The following COL25A1 variants were observed in gnomAD, a reference collection of about 807,000 sequenced individuals.
COL25A1 encodes collagen alpha-1(XXV) chain.
Under a neutral mutation model 128.4 loss-of-function variants are expected in COL25A1, and 103 were observed. The ratio of observed to expected loss-of-function variants is 0.80; its 90% CI spans 0.68 to 0.94. The LOEUF (loss-of-function observed/expected upper bound fraction) is 0.94. COL25A1 is among the 40% of genes least tolerant of loss of function. The probability of loss-of-function intolerance (pLI) is 0.00; values close to 1 mark genes in which losing one functional copy is unlikely to be tolerated. For synonymous variants in COL25A1, 279 were observed against 277.2 expected (o/e 1.01, Z -0.06); for missense variants, 745 against 840.0 (o/e 0.89, Z 1.40).
At chr4:109,295,771 C>T (rs1478866685) in intron 3 of COL25A1, among the ~76,000 whole-genome samples, 1 of 152,068 alleles carries the variant, frequency 6.6e-6, no homozygotes, top group African/African-American at 2.4e-5. Context: ...GGTCAGTCAC[C>T]AGGGGCAATA....
At chr4:109,233,360 T>C (rs185801047) in intron 3 of COL25A1, among the ~76,000 whole-genome samples, 2 of 152,310 alleles carry the variant, frequency 1.3e-5, no homozygotes, top group African/African-American at 4.8e-5. Flanking sequence ...CTTGGTTTTC[T>C]TTCCATAGTA....
chr4:109,106,794 G>T (rs949114983), intron 3 of COL25A1, among the ~76,000 whole-genome samples: 30 of 152,148 alleles, frequency 2.0e-4, no homozygotes, highest in Admixed American at 1.3e-4. Context: ...AGGGGGCAGG[G>T]TCTCGCTCTG....
At chr4:109,076,769 A>G (rs1457712666) in intron 3 of COL25A1, among the ~76,000 whole-genome samples, 1 of 151,942 alleles carries the variant, frequency 6.6e-6, no homozygotes, top group African/African-American at 2.4e-5. Context: ...GATGGGAAAC[A>G]GTGACAGATC....
At chr4:109,156,538 T>C (rs1326950577) in intron 3 of COL25A1, among the ~76,000 whole-genome samples, 1 of 152,192 alleles carries the variant, frequency 6.6e-6, no homozygotes, top group Non-Finnish European at 1.5e-5. Flanking sequence ...CCATCACTGC[T>C]GATTCCTTTT....
In COL25A1 at chr4:108,899,054, T is replaced by A; in HGVS notation, c.861+100A>T. 1.8e-6 allele frequency: 2 copies of A among 1,113,620 alleles called. 1 individual carries two copies. The highest frequency in any genetic ancestry group is 2.9e-5 in the South Asian group (2 of 69,036). 69.0% of individuals were successfully genotyped at this position (1,113,620 alleles called of 1,614,324 possible). On this transcript the variant is annotated intron_variant, in intron 15 of 37. Transcript: ENST00000399132. ...ATTAATCTACCCACCCACCCATCCA[T>A]CCACCCATCCATTCATGCATATAGT... is the stretch of plus-strand genomic sequence containing the variant.
At chr4:109,185,090 A>G (rs889068886) in intron 3 of COL25A1, among the ~76,000 whole-genome samples, 1 of 152,204 alleles carries the variant, frequency 6.6e-6, no homozygotes, top group African/African-American at 2.4e-5. Context: ...AGGTTGAAGA[A>G]AGGCATTTTT....
chr4:108,821,682 C>T (rs889706895), intron 35 of COL25A1, among the ~76,000 whole-genome samples: 20 of 152,108 alleles, frequency 1.3e-4, no homozygotes, highest in African/African-American at 4.8e-4. Flanking sequence ...GAGCCTCAAG[C>T]TTTATGGGAA....
Position 108,942,335 on chromosome 4 carries a change from C to T in COL25A1, c.493-898G>A. On this transcript the variant is annotated intron_variant, in intron 8 of 37. Coordinates refer to ENST00000399132, the MANE Select transcript of COL25A1 (RefSeq NM_198721.4). Reference sequence around the variant, plus strand: ...GTCACACAGACATTTCACTAGGGGACAAACAAAACAAGCACATACCTAGCA... The same window carrying T: ...GTCACACAGACATTTCACTAGGGGATAAACAAAACAAGCACATACCTAGCA... 15 of 1,405,280 alleles carry T rather than the reference C, an allele frequency of 1.1e-5. No homozygotes were observed. In the South Asian group the frequency reaches 1.9e-4, roughly 17 times the overall value. The allele number at this position is 1,405,280 out of a possible 1,614,324, so 87.1% of individuals were successfully genotyped here.
chr4:109,102,514 G>A (rs1765992339), intron 3 of COL25A1, among the ~76,000 whole-genome samples: 1 of 151,882 alleles, frequency 6.6e-6, no homozygotes, highest in Non-Finnish European at 1.5e-5. Context: ...AAATCAAGTT[G>A]GTTGATAATA....
chr4:109,288,096 C>T (rs1724065040), intron 3 of COL25A1, among the ~76,000 whole-genome samples: 1 of 152,100 alleles, frequency 6.6e-6, no homozygotes. Flanking sequence ...CCAGAGGCAA[C>T]CATATGCTCA....
intron 20 of COL25A1, 132 bp from the exon 21 acceptor site, chr4:108,863,519 T>C (rs1336288109): frequency 1.3e-5 from 8 of 629,460 alleles, no homozygotes; most frequent in Middle Eastern, 2.6e-4. Flanking sequence ...CCCAGCACTT[T>C]ATTAATCTCT....
chr4:108,903,152 A>G (rs192521381), intron 13 of COL25A1, among the ~76,000 whole-genome samples: 1 of 152,088 alleles, frequency 6.6e-6, no homozygotes, highest in Non-Finnish European at 1.5e-5. Context: ...GTATCTGCAT[A>G]ACATTCTCCT....
chr4:108,891,702 G>A lies in COL25A1; in HGVS notation c.907-1969C>T, dbSNP rs151018699. 4.8e-4 allele frequency among the ~76,000 whole-genome samples: 73 copies of A among 150,694 alleles called. No homozygotes were observed. The East Asian group carries it at 9.9e-3, about 20-fold the overall frequency. ...TTGGGGCTTCCTAAATTCTACTGCC[G>A]TGTTTTAGGTTTTTTTTTTTTAATA... On this transcript the variant is annotated intron_variant, in intron 16 of 37. Coordinates refer to ENST00000399132, the MANE Select transcript of COL25A1 (RefSeq NM_198721.4).
intron 3 of COL25A1, among the ~76,000 whole-genome samples, chr4:109,149,714 GC>G (rs1367364030): frequency 6.6e-6 from 1 of 152,016 alleles, no homozygotes; most frequent in African/African-American, 2.4e-5. Flanking sequence ...TATTTTATTT[GC>G]AGCTTCTTTC....
At chr4:109,067,835 A>G (rs1762583063) in intron 3 of COL25A1, among the ~76,000 whole-genome samples, 2 of 152,218 alleles carry the variant, frequency 1.3e-5, no homozygotes, top group African/African-American at 4.8e-5. Flanking sequence ...AGAAATGAAC[A>G]GTTTTCCCAA....
At chr4:108,821,404 T>G (rs1367601002) in intron 35 of COL25A1, among the ~76,000 whole-genome samples, 1 of 152,208 alleles carries the variant, frequency 6.6e-6, no homozygotes, top group Non-Finnish European at 1.5e-5. Context: ...TCACTCAAGA[T>G]GGATCAACAT....
At chr4:109,030,982 A>C (rs1579143560) in intron 5 of COL25A1, among the ~76,000 whole-genome samples, 1 of 152,016 alleles carries the variant, frequency 6.6e-6, no homozygotes, top group Admixed American at 6.6e-5. Context: ...AAAGTGATCC[A>C]CCTACCTCAG....
Position 109,218,362 on chromosome 4 carries a change from T to TTTTTTTTTTGTTTTTTTTTG in COL25A1, c.367+82220_367+82221insCAAAAAAAAACAAAAAAAAA, listed in dbSNP as rs1778181242. 5.1e-5 allele frequency among the ~76,000 whole-genome samples: 7 copies of TTTTTTTTTTGTTTTTTTTTG among 136,630 alleles called. No individual in the cohort carries two copies. In the South Asian group the frequency reaches 9.7e-4, roughly 19 times the overall value. The allele number at this position is 136,630 out of a possible 152,430, so 89.6% of individuals were successfully genotyped here. ...TCAATTGCTGGTTTTTTGGGGTTTT[T>TTTTTTTTTTGTTTTTTTTTG]TTTTTTTTTTTTTTTTTTTTGCTTT... On this transcript the variant is annotated intron_variant, in intron 3 of 37. Transcript: ENST00000399132.
intron 30 of COL25A1, among the ~76,000 whole-genome samples, chr4:108,841,974 G>A (rs1734511480): frequency 6.6e-6 from 1 of 152,012 alleles, no homozygotes; most frequent in African/African-American, 2.4e-5. Context: ...AATCTGCCAG[G>A]GTTACATGGA....
Sources: allele counts gnomAD v4.1 joint callset (sites outside exome capture counted in the v4.1 genomes callset), GRCh38; gene constraint gnomAD v4.1.1; transcripts MANE v1.5; gene names NCBI Gene and HGNC (gene_info 2026-07-23, HGNC 2026-07-21).